The following ARSJ variants were observed in gnomAD, a reference collection of about 807,000 sequenced individuals.
ARSJ encodes arylsulfatase family member J.
In ARSJ, 26 loss-of-function variants were observed where a neutral mutation model predicts 35.9. The observed-to-expected ratio is 0.72, with a 90% CI of 0.53 to 1.00. The LOEUF (loss-of-function observed/expected upper bound fraction) is 1.00. Ranked by LOEUF, ARSJ falls within the 50% of genes least tolerant of loss-of-function variation. The pLI, the probability that ARSJ is intolerant of heterozygous loss-of-function variation, is 0.00. For missense variants in ARSJ, 667 were observed against 723.6 expected (o/e 0.92, Z 0.90); for synonymous variants, 294 against 267.6 (o/e 1.10, Z -0.96).
chr4:113,929,041 A>G (rs943342394), intron 1 of ARSJ, among the ~76,000 whole-genome samples: 2 of 152,158 alleles, frequency 1.3e-5, no homozygotes, highest in East Asian at 1.9e-4. Flanking sequence ...GAGCTGCAAC[A>G]TTAAAAGCAG....
chr4:113,949,809 G>A (rs1318596617), intron 1 of ARSJ, among the ~76,000 whole-genome samples: 1 of 152,110 alleles, frequency 6.6e-6, no homozygotes, highest in Non-Finnish European at 1.5e-5. Context: ...TCTCTTCACT[G>A]TTAATGCACT....
chr4:113,972,658 T>C (rs1002843249), intron 1 of ARSJ, among the ~76,000 whole-genome samples: 1 of 152,138 alleles, frequency 6.6e-6, no homozygotes, highest in Non-Finnish European at 1.5e-5. Context: ...TACAGGTGCA[T>C]GCCACCACAC....
intron 1 of ARSJ, among the ~76,000 whole-genome samples, chr4:113,909,111 T>C (rs936244228): frequency 1.3e-5 from 2 of 152,022 alleles, no homozygotes; most frequent in African/African-American, 4.8e-5. Context: ...CTGATAGGAC[T>C]AAATCAGTGA....
At chr4:113,942,858 G>T (rs1725242109) in intron 1 of ARSJ, among the ~76,000 whole-genome samples, 1 of 151,972 alleles carries the variant, frequency 6.6e-6, no homozygotes, top group Non-Finnish European at 1.5e-5. Context: ...TCCCTTTGGT[G>T]CAGCTAATAG....
At chr4:113,905,710 C>G (rs372562950) in intron 1 of ARSJ, among the ~76,000 whole-genome samples, 2 of 129,820 alleles carry the variant, frequency 1.5e-5, no homozygotes, top group East Asian at 5.1e-4. Flanking sequence ...CTCTATCACC[C>G]AGGCTGGAGT....
rs1562327239 is a variant in ARSJ at position 113,902,608 on chromosome 4, GT to G, written c.1465del (p.Thr489LeufsTer28). 1.2e-6 allele frequency: 2 copies of G among 1,614,162 alleles called. No homozygotes were observed. The highest frequency in any genetic ancestry group is 1.7e-6 in the Non-Finnish European group (2 of 1,180,030). ...GTTGAAAAGCCATACACTTTTGCCA[GT>G]TGACAAGGTGATCCGTTCATTGTGC... ...RWHNERITLS[T>X]GKSVWLFNIT... On this transcript the variant is annotated frameshift_variant, in exon 2 of 2. Transcript: ENST00000315366. LOFTEE classifies it low-confidence loss of function (END_TRUNC).
intron 1 of ARSJ, among the ~76,000 whole-genome samples, chr4:113,965,892 A>G (rs1442598322): frequency 6.6e-6 from 1 of 152,072 alleles, no homozygotes; most frequent in Non-Finnish European, 1.5e-5. Context: ...CTCTGTTCAC[A>G]TACATTCATT....
At chr4:113,958,082 T>C (rs1726298842) in intron 1 of ARSJ, among the ~76,000 whole-genome samples, 1 of 152,084 alleles carries the variant, frequency 6.6e-6, no homozygotes, top group African/African-American at 2.4e-5. Flanking sequence ...AAGTTATAAA[T>C]GGAGCCCAAG....
At chr4:113,913,340 C>A (rs542268756) in intron 1 of ARSJ, among the ~76,000 whole-genome samples, 2 of 152,120 alleles carry the variant, frequency 1.3e-5, no homozygotes, top group Admixed American at 6.5e-5. Flanking sequence ...ACAAATAACA[C>A]GCTAAGTGAT....
chr4:113,931,762 A>G (rs950311450), intron 1 of ARSJ, among the ~76,000 whole-genome samples: 1 of 152,070 alleles, frequency 6.6e-6, no homozygotes, highest in African/African-American at 2.4e-5. Flanking sequence ...AATAAAAACC[A>G]TTAGAATCAA....
chr4:113,914,763 G>C (rs559170972), intron 1 of ARSJ, among the ~76,000 whole-genome samples: 1 of 152,136 alleles, frequency 6.6e-6, no homozygotes, highest in African/African-American at 2.4e-5. Flanking sequence ...ACTGTACTGC[G>C]GAGAAACATA....
At chr4:113,957,070 A>G (rs1244104630) in intron 1 of ARSJ, among the ~76,000 whole-genome samples, 2 of 152,026 alleles carry the variant, frequency 1.3e-5, no homozygotes, top group South Asian at 2.1e-4. Context: ...TAGAGGGTGT[A>G]TTTTACTTTA....
chr4:113,974,409 G>A (rs1469297763), intron 1 of ARSJ, among the ~76,000 whole-genome samples: 2 of 152,016 alleles, frequency 1.3e-5, no homozygotes, highest in African/African-American at 4.8e-5. Context: ...CACAGTAGGG[G>A]AAAAGAGACT....
At chr4:113,932,335 AT>A (rs1012631270) in intron 1 of ARSJ, among the ~76,000 whole-genome samples, 5 of 152,082 alleles carry the variant, frequency 3.3e-5, no homozygotes, top group African/African-American at 7.2e-5. Context: ...CAACAAAAAA[AT>A]AAAAGTTAAA....
chr4:113,910,160 T>G (rs2099670009), intron 1 of ARSJ, among the ~76,000 whole-genome samples: 1 of 152,172 alleles, frequency 6.6e-6, no homozygotes, highest in African/African-American at 2.4e-5. Flanking sequence ...GCAATCACCA[T>G]CATTCTCACT....
At chr4:113,935,736 C>T (rs1316578315) in intron 1 of ARSJ, among the ~76,000 whole-genome samples, 4 of 151,874 alleles carry the variant, frequency 2.6e-5, no homozygotes, top group Non-Finnish European at 5.9e-5. Flanking sequence ...AAGGATGTAT[C>T]TGCTACCCTC....
chr4:113,968,984 A>G (rs907113224), intron 1 of ARSJ, among the ~76,000 whole-genome samples: 1 of 152,220 alleles, frequency 6.6e-6, no homozygotes, highest in Non-Finnish European at 1.5e-5. Flanking sequence ...TTGTAGCCCC[A>G]GGGGTGAGTT....
chr4:113,901,884 CTTG>C lies in ARSJ; in HGVS notation c.*387_*389del. 5.1e-5 allele frequency: 2 copies of C among 39,544 alleles called. No homozygotes were observed. Among genetic ancestry groups the C allele is most frequent in the Non-Finnish European group, 1.1e-4 (1 of 8,970 alleles). 2.4% of individuals were successfully genotyped at this position (39,544 alleles called of 1,614,324 possible). A position where few individuals can be genotyped will look rare whatever the true frequency, so the allele number is the denominator to read the frequency against. ...CTGTAACTTCCATCAAATTAGCATGCTTGCGGATGGTATACCCTGTAACTTCCA... is the reference window on the plus strand; with the variant it reads ...CTGTAACTTCCATCAAATTAGCATGCCGGATGGTATACCCTGTAACTTCCA... On this transcript the variant is annotated 3_prime_UTR_variant, in exon 2 of 2. Coordinates refer to ENST00000315366, the MANE Select transcript of ARSJ (RefSeq NM_024590.4).
chr4:113,964,508 T>C (rs944635183), intron 1 of ARSJ, among the ~76,000 whole-genome samples: 1 of 152,102 alleles, frequency 6.6e-6, no homozygotes, highest in African/African-American at 2.4e-5. Flanking sequence ...ATAGGGATGT[T>C]TCTTCCAAGA....
Sources: gnomAD v4.1 joint callset for allele counts (sites outside exome capture counted in the v4.1 genomes callset) on GRCh38, gnomAD v4.1.1 for gene constraint, MANE v1.5 for transcripts, NCBI Gene and HGNC (gene_info 2026-07-23, HGNC 2026-07-21) for gene names.